The following BORCS5 variants were observed in gnomAD, a reference collection of about 807,000 sequenced individuals.
BORCS5 encodes the protein BLOC-1 related complex subunit 5, also known as BLOC-1-related complex subunit 5.
A neutral mutation model predicts 22.1 loss-of-function variants in BORCS5; 17 were observed. The observed-to-expected ratio is 0.77, with a 90% CI of 0.53 to 1.15. The LOEUF is 1.15. Among genes scored for constraint, BORCS5 ranks in the 50% most tolerant of loss-of-function variants. The pLI is 0.00. For missense variants in BORCS5, 247 were observed against 253.2 expected (o/e 0.98, Z 0.17); for synonymous variants, 117 against 99.8 (o/e 1.17, Z -1.03).
In BORCS5 at chr12:12,427,159, TTCTC is replaced by T. The variant is rs1273013465; in HGVS notation, c.203-8467_203-8464del. On this transcript the variant is annotated intron_variant, in intron 2 of 3. Transcript: ENST00000314565. ...CAAGTTGGGAAGATGGTTTTAGACT[TTCTC>T]TTTCTTTTCTTTTTTTTTTTTTTTT... is the stretch of plus-strand genomic sequence containing the variant. 7.2e-4 allele frequency among the ~76,000 whole-genome samples: 107 copies of T among 148,290 alleles called. 1 individual carries two copies. Among genetic ancestry groups the T allele is most frequent in the Admixed American group, 5.6e-3 (81 of 14,590 alleles).
intron 2 of BORCS5, among the ~76,000 whole-genome samples, chr12:12,362,420 CTTTT>C (rs1050454488): frequency 6.6e-6 from 1 of 151,990 alleles, no homozygotes; most frequent in African/African-American, 2.4e-5. Context: ...CTTTCAGTTT[CTTTT>C]TTATTATTAT....
chr12:12,410,012 G>T (rs1941687035), intron 2 of BORCS5, among the ~76,000 whole-genome samples: 1 of 152,038 alleles, frequency 6.6e-6, no homozygotes, highest in Admixed American at 6.6e-5. Context: ...GTGTTTTTTG[G>T]CTGCATAAAT....
intron 2 of BORCS5, among the ~76,000 whole-genome samples, chr12:12,416,000 C>T (rs1592105149): frequency 1.3e-5 from 2 of 152,118 alleles, no homozygotes; most frequent in Non-Finnish European, 2.9e-5. Flanking sequence ...ATTCAATCTC[C>T]TTACTAATTA....
At chr12:12,421,112 A>G (rs535070733) in intron 2 of BORCS5, among the ~76,000 whole-genome samples, 1 of 152,278 alleles carries the variant, frequency 6.6e-6, no homozygotes, top group East Asian at 1.9e-4. Context: ...GAGAGGGAGC[A>G]TTCTTGTCTT....
chr12:12,373,718 C>T (rs914100310), intron 2 of BORCS5, among the ~76,000 whole-genome samples: 1 of 152,102 alleles, frequency 6.6e-6, no homozygotes, highest in Admixed American at 6.6e-5. Flanking sequence ...TCAGACAGTG[C>T]AGGTACAAAA....
Position 12,469,087 on chromosome 12 carries a change from T to G in BORCS5, c.*3311T>G, listed in dbSNP as rs1039465845. ...ATGAGTTTAGGCCGGGCGCGGTGGC[T>G]CACACCTGTAATCCCAGCACTTTGG... On this transcript the variant is annotated 3_prime_UTR_variant, in exon 4 of 4. Coordinates refer to ENST00000314565, the MANE Select transcript of BORCS5 (RefSeq NM_058169.6). 1.3e-5 allele frequency: 2 copies of G among 152,216 alleles called. No individual in the cohort carries two copies. The highest frequency in any genetic ancestry group is 4.8e-5 in the African/African-American group (2 of 41,424). 9.4% of individuals were successfully genotyped at this position (152,216 alleles called of 1,614,324 possible). A position where few individuals can be genotyped will look rare whatever the true frequency, so the allele number is the denominator to read the frequency against.
At position 12,373,186 on chromosome 12, in the gene BORCS5, AAGG is replaced by A. The variant is rs920666444; in HGVS notation, c.202+11840_202+11842del. ...TCTGTTCTTAGCCATGTGAGGACAC[AAGG>A]AGAAGACAGCCATTTGCAAACCAGG... On this transcript the variant is annotated intron_variant, in intron 2 of 3. Coordinates refer to ENST00000314565, the MANE Select transcript of BORCS5 (RefSeq NM_058169.6). Among the ~76,000 whole-genome samples the A allele has an allele frequency of 9.2e-5, 14 of 152,332 alleles. No individual in the cohort carries two copies. In the East Asian group the frequency reaches 2.5e-3, roughly 27 times the overall value.
chr12:12,452,316 T>G, intron 3 of BORCS5: 1 of 699,634 alleles, frequency 1.4e-6, no homozygotes. Flanking sequence ...CATTCCCCCA[T>G]CATCATTTCT....
chr12:12,404,554 A>C (rs1370258782), intron 2 of BORCS5, among the ~76,000 whole-genome samples: 1 of 152,166 alleles, frequency 6.6e-6, no homozygotes, highest in Non-Finnish European at 1.5e-5. Flanking sequence ...ACCTCCTATT[A>C]CTGTCATTGG....
intron 2 of BORCS5, among the ~76,000 whole-genome samples, chr12:12,414,294 G>C (rs1377616543): frequency 2.1e-5 from 1 of 48,698 alleles, no homozygotes; most frequent in Non-Finnish European, 3.9e-5. Flanking sequence ...AGGCAGAGGC[G>C]CCCCTCACCT....
chr12:12,459,486 AT>A (rs964536922), intron 3 of BORCS5, among the ~76,000 whole-genome samples: 2 of 150,622 alleles, frequency 1.3e-5, no homozygotes, highest in African/African-American at 4.9e-5. Flanking sequence ...AATGTTTTGT[AT>A]TTAGTAGAGA....
At chr12:12,360,918 G>A (rs1258282159) in intron 1 of BORCS5, among the ~76,000 whole-genome samples, 2 of 151,908 alleles carry the variant, frequency 1.3e-5, no homozygotes, top group Non-Finnish European at 2.9e-5. Flanking sequence ...ACAGGGTTTC[G>A]CCATGTTGGC....
At chr12:12,435,876 A>G (rs1026510330) in intron 3 of BORCS5, 91 bp downstream of exon 3, 18 of 1,336,052 alleles carry the variant, frequency 1.3e-5, no homozygotes, top group Admixed American at 6.7e-5. Context: ...ATTTGTCACT[A>G]TTGCTTTGAG....
intron 3 of BORCS5, among the ~76,000 whole-genome samples, chr12:12,441,529 A>G (rs1326650963): frequency 3.9e-5 from 5 of 127,682 alleles, no homozygotes; most frequent in Non-Finnish European, 8.3e-5. Context: ...TGTAGTAGAC[A>G]CTGTAGTGTT....
intron 2 of BORCS5, among the ~76,000 whole-genome samples, chr12:12,379,193 T>C (rs1458115609): frequency 6.6e-6 from 1 of 150,608 alleles, no homozygotes; most frequent in Non-Finnish European, 1.5e-5. Flanking sequence ...CGATCTTGAC[T>C]CACTGCAACC....
At position 12,465,486 on chromosome 12, in the gene BORCS5, G is replaced by A. The variant is rs146465964; in HGVS notation, c.361-60G>A. On this transcript the variant is annotated intron_variant, in intron 3 of 3. Transcript: ENST00000314565. ...TGTGTCCCTCACAGGCTGGACACCC[G>A]GCCCTGCGGAGAGGACTTGATTAAA... is the stretch of plus-strand genomic sequence containing the variant. 1.2e-5 allele frequency: 17 copies of A among 1,453,872 alleles called. No individual in the cohort carries two copies. The East Asian group carries it at 1.7e-4, about 14-fold the overall frequency. The allele number at this position is 1,453,872 out of a possible 1,614,324, so 90.1% of individuals were successfully genotyped here.
intron 2 of BORCS5, among the ~76,000 whole-genome samples, chr12:12,424,669 C>T (rs1191963999): frequency 6.7e-6 from 1 of 150,088 alleles, no homozygotes; most frequent in Non-Finnish European, 1.5e-5. Flanking sequence ...GAAACAGATT[C>T]TCCCCCTTCT....
intron 2 of BORCS5, among the ~76,000 whole-genome samples, chr12:12,412,533 G>GTTTTCT (rs1461176946): frequency 3.9e-5 from 6 of 152,082 alleles, no homozygotes; most frequent in African/African-American, 1.4e-4. Context: ...GAACATTCAG[G>GTTTTCT]TTTTCTATAT....
chr12:12,386,766 G>A (rs994339645), intron 2 of BORCS5, among the ~76,000 whole-genome samples: 21 of 151,198 alleles, frequency 1.4e-4, no homozygotes, highest in African/African-American at 4.4e-4. Flanking sequence ...CACCGTGCCC[G>A]GCCTTTGCTC....
Sources: gnomAD v4.1 joint callset for allele counts (sites outside exome capture counted in the v4.1 genomes callset) on GRCh38, gnomAD v4.1.1 for gene constraint, MANE v1.5 for transcripts, NCBI Gene and HGNC (gene_info 2026-07-23, HGNC 2026-07-21) for gene names.